SPAG16: variants seen among roughly 807,000 people sequenced by gnomAD.
SPAG16 encodes the protein sperm-associated antigen 16 protein.
Under a neutral mutation model 80.4 loss-of-function variants are expected in SPAG16, and 86 were observed. That is an observed-to-expected ratio of 1.07 (90% CI 0.90 to 1.28). SPAG16 has a LOEUF of 1.28. SPAG16 is among the 50% of genes most tolerant of loss of function. The pLI is 0.00. For synonymous variants in SPAG16, 294 were observed against 265.9 expected, an observed-to-expected ratio of 1.11 and a Z score of -1.03; for missense variants, 870 against 765.3, an observed-to-expected ratio of 1.14 and a Z score of -1.61.
chr2:214,195,055 G>A (rs768482398), intron 15 of SPAG16, among the ~76,000 whole-genome samples: 2 of 152,024 alleles, frequency 1.3e-5, no homozygotes, highest in African/African-American at 2.4e-5. Context: ...TTACATGAAT[G>A]AAAGAAAATA....
chr2:213,419,106 C>T (rs755292412), intron 9 of SPAG16, among the ~76,000 whole-genome samples: 12 of 108,498 alleles, frequency 1.1e-4, no homozygotes, highest in Non-Finnish European at 1.9e-4. Context: ...TCAATGAATC[C>T]TCTACTCTTA....
intron 13 of SPAG16, among the ~76,000 whole-genome samples, chr2:214,052,735 A>G (rs2049721116): frequency 1.3e-5 from 2 of 152,150 alleles, no homozygotes; most frequent in Admixed American, 1.3e-4. Flanking sequence ...CCCAATCTCA[A>G]TGTGAGACTG....
At chr2:213,309,737 C>T (rs1485236649) in intron 3 of SPAG16, among the ~76,000 whole-genome samples, 2 of 152,004 alleles carry the variant, frequency 1.3e-5, no homozygotes, top group Non-Finnish European at 2.9e-5. Flanking sequence ...AAATACTTGT[C>T]CTACACTTGG....
intron 15 of SPAG16, among the ~76,000 whole-genome samples, chr2:214,198,064 T>G (rs2057898035): frequency 6.6e-6 from 1 of 152,062 alleles, no homozygotes; most frequent in Non-Finnish European, 1.5e-5. Flanking sequence ...TCAAACATGG[T>G]AGCAGAATTG....
At chr2:213,429,927 A>G (rs2070186426) in intron 9 of SPAG16, among the ~76,000 whole-genome samples, 1 of 152,250 alleles carries the variant, frequency 6.6e-6, no homozygotes, top group African/African-American at 2.4e-5. Flanking sequence ...AGGAATATGA[A>G]AAAGTAATGT....
intron 15 of SPAG16, among the ~76,000 whole-genome samples, chr2:214,329,568 G>A (rs1217768804): frequency 6.6e-6 from 1 of 152,124 alleles, no homozygotes; most frequent in East Asian, 1.9e-4. Context: ...TTGGATGGTG[G>A]GGAAAGAAAT....
chr2:214,252,538 G>A (rs111546163), intron 15 of SPAG16, among the ~76,000 whole-genome samples: 3,247 of 151,282 alleles, frequency 0.021, 77 homozygotes, highest in African/African-American at 0.055. Flanking sequence ...ATGTGAGAAT[G>A]TGTGTTTTTT....
chr2:213,727,585 T>C (rs2066827105), intron 10 of SPAG16, among the ~76,000 whole-genome samples: 1 of 152,162 alleles, frequency 6.6e-6, no homozygotes, highest in Non-Finnish European at 1.5e-5. Context: ...TGGAAATGTT[T>C]CTACATAGCA....
intron 15 of SPAG16, among the ~76,000 whole-genome samples, chr2:214,288,393 A>G (rs1415678307): frequency 6.6e-6 from 1 of 152,218 alleles, no homozygotes; most frequent in African/African-American, 2.4e-5. Flanking sequence ...ATGCAAGTGC[A>G]GGTAGGTATC....
chr2:213,631,691 C>T (rs1037210357), intron 10 of SPAG16, among the ~76,000 whole-genome samples: 2 of 152,138 alleles, frequency 1.3e-5, no homozygotes, highest in African/African-American at 4.8e-5. Flanking sequence ...TAGTTTGATT[C>T]TTCTGCTTAC....
intron 12 of SPAG16, among the ~76,000 whole-genome samples, chr2:213,954,588 GC>G (rs2044022155): frequency 6.6e-6 from 1 of 152,040 alleles, no homozygotes. Flanking sequence ...ATGGTGGTTT[GC>G]TGCACCTATC....
At chr2:213,999,490 G>T (rs952264671) in intron 12 of SPAG16, among the ~76,000 whole-genome samples, 2 of 152,228 alleles carry the variant, frequency 1.3e-5, no homozygotes, top group African/African-American at 4.8e-5. Flanking sequence ...CAGGGGCAGG[G>T]TGCTCATGAA....
At chr2:214,233,723 C>G (rs1214721747) in intron 15 of SPAG16, among the ~76,000 whole-genome samples, 3 of 152,026 alleles carry the variant, frequency 2.0e-5, no homozygotes, top group Non-Finnish European at 4.4e-5. Flanking sequence ...TGAGATTATA[C>G]AAATTATTTG....
At chr2:213,410,426 T>C (rs2068898880) in intron 9 of SPAG16, among the ~76,000 whole-genome samples, 1 of 152,146 alleles carries the variant, frequency 6.6e-6, no homozygotes. Context: ...TGGGACCATT[T>C]AATCCAAGGA....
intron 15 of SPAG16, among the ~76,000 whole-genome samples, chr2:214,271,692 C>T (rs1429345764): frequency 6.6e-6 from 1 of 151,994 alleles, no homozygotes; most frequent in East Asian, 1.9e-4. Context: ...CCCAGCTACT[C>T]GGAAGGCTGA....
intron 15 of SPAG16, among the ~76,000 whole-genome samples, chr2:214,197,453 A>G (rs1426291768): frequency 1.4e-5 from 2 of 145,798 alleles, no homozygotes; most frequent in East Asian, 1.9e-4. Flanking sequence ...TGAATGGACT[A>G]TGTATAATGG....
At chr2:214,032,374 C>T (rs1404256076) in intron 13 of SPAG16, among the ~76,000 whole-genome samples, 3 of 152,128 alleles carry the variant, frequency 2.0e-5, no homozygotes, top group Non-Finnish European at 4.4e-5. Context: ...TGGTACAGCT[C>T]AAAATGGTGA....
chr2:213,533,835 A>G (rs2076153646), intron 10 of SPAG16, among the ~76,000 whole-genome samples: 1 of 152,168 alleles, frequency 6.6e-6, no homozygotes, highest in African/African-American at 2.4e-5. Context: ...ATTTATGCAT[A>G]AACATGCATG....
intron 9 of SPAG16, among the ~76,000 whole-genome samples, chr2:213,437,741 C>T (rs114728663): frequency 0.013 from 1,990 of 152,274 alleles, 21 homozygotes; most frequent in South Asian, 0.038. Context: ...AAACAAAATG[C>T]AATAAACTTA....
Sources: allele counts gnomAD v4.1 joint callset (sites outside exome capture counted in the v4.1 genomes callset), GRCh38; gene constraint gnomAD v4.1.1; transcripts MANE v1.5; gene names NCBI Gene and HGNC (gene_info 2026-07-23, HGNC 2026-07-21).